LMCD1: variants seen among roughly 807,000 people sequenced by gnomAD.
LMCD1 encodes the protein LIM and cysteine rich domains 1.
Under a neutral mutation model 42.7 loss-of-function variants are expected in LMCD1, and 32 were observed. The ratio of observed to expected loss-of-function variants is 0.75; its 90% CI spans 0.57 to 1.01. LMCD1 has a LOEUF of 1.01. Ranked by LOEUF, LMCD1 falls within the 50% of genes least tolerant of loss-of-function variation. The pLI is 0.00. For missense variants in LMCD1, 458 were observed against 483.1 expected (o/e 0.95, Z 0.49); for synonymous variants, 178 against 184.9 (o/e 0.96, Z 0.30).
chr3:8,558,793 T>C (rs1014471279), intron 4 of LMCD1, among the ~76,000 whole-genome samples: 2 of 152,170 alleles, frequency 1.3e-5, no homozygotes, highest in African/African-American at 2.4e-5. Context: ...ATTGGTGATA[T>C]CAGTTTTGCT....
At chr3:8,529,181 A>G (rs546078400) in intron 1 of LMCD1, among the ~76,000 whole-genome samples, 148 of 152,316 alleles carry the variant, frequency 9.7e-4, no homozygotes, top group Non-Finnish European at 1.7e-3. Context: ...TCCCCTCCTC[A>G]GTAAACAAGA....
chr3:8,533,130 G>C (rs1475507786), intron 2 of LMCD1, among the ~76,000 whole-genome samples: 1 of 152,132 alleles, frequency 6.6e-6, no homozygotes, highest in Non-Finnish European at 1.5e-5. Flanking sequence ...GAGGTTAGCT[G>C]GTCCCTTGTG....
chr3:8,532,650 G>C, intron 1 of LMCD1, 87 bp from the exon 2 acceptor site: 1 of 1,120,698 alleles, frequency 8.9e-7, no homozygotes, highest in African/African-American at 1.5e-5. Flanking sequence ...CAGTCCCTTT[G>C]CCAGCACGCC....
At chr3:8,538,143 T>C (rs1190125645) in intron 3 of LMCD1, among the ~76,000 whole-genome samples, 1 of 152,168 alleles carries the variant, frequency 6.6e-6, no homozygotes, top group Non-Finnish European at 1.5e-5. Context: ...TCATCAGATG[T>C]GACCATTTAA....
chr3:8,543,981 G>T (rs752905563), intron 3 of LMCD1, among the ~76,000 whole-genome samples: 12 of 152,182 alleles, frequency 7.9e-5, no homozygotes, highest in Non-Finnish European at 1.0e-4. Context: ...CTAAGACGGG[G>T]TCAGGACGAA....
At chr3:8,526,145 A>G (rs1408185257) in intron 1 of LMCD1, among the ~76,000 whole-genome samples, 1 of 152,168 alleles carries the variant, frequency 6.6e-6, no homozygotes, top group Non-Finnish European at 1.5e-5. Flanking sequence ...CCCTCCTCAC[A>G]CACCCAGAAC....
At chr3:8,510,188 T>G (rs1380561901) in intron 1 of LMCD1, among the ~76,000 whole-genome samples, 2 of 152,152 alleles carry the variant, frequency 1.3e-5, no homozygotes, top group African/African-American at 4.8e-5. Context: ...TCGAGGTGAC[T>G]GACCCGTGCA....
At chr3:8,562,077 C>T (rs1376297855) in intron 4 of LMCD1, among the ~76,000 whole-genome samples, 2 of 152,164 alleles carry the variant, frequency 1.3e-5, no homozygotes, top group Admixed American at 6.5e-5. Context: ...AAATCTAGAG[C>T]TCTCACAGAG....
At chr3:8,515,237 T>C (rs540875328) in intron 1 of LMCD1, among the ~76,000 whole-genome samples, 1 of 152,174 alleles carries the variant, frequency 6.6e-6, no homozygotes, top group African/African-American at 2.4e-5. Flanking sequence ...TTGTGATGGG[T>C]CCCTTTTCAG....
At chr3:8,565,399 C>T (rs1695110829) in intron 4 of LMCD1, 33 bp from the exon 5 acceptor site, 2 of 1,587,678 alleles carry the variant, frequency 1.3e-6, no homozygotes, top group Middle Eastern at 1.7e-4. Context: ...TCCTGACTTC[C>T]TTGTCTCCTA....
intron 3 of LMCD1, among the ~76,000 whole-genome samples, chr3:8,539,665 T>C (rs1694580166): frequency 6.6e-6 from 1 of 152,048 alleles, no homozygotes; most frequent in African/African-American, 2.4e-5. Flanking sequence ...CGTCAGGCAG[T>C]GATTAATGCT....
chr3:8,552,367 G>A (rs1423225320), intron 4 of LMCD1, among the ~76,000 whole-genome samples: 2 of 152,182 alleles, frequency 1.3e-5, no homozygotes, highest in Non-Finnish European at 2.9e-5. Context: ...TGGCTCAGGA[G>A]ACGTTAGAGT....
chr3:8,535,588 A>G (rs1694494879), intron 2 of LMCD1, among the ~76,000 whole-genome samples: 1 of 152,234 alleles, frequency 6.6e-6, no homozygotes, highest in Non-Finnish European at 1.5e-5. Flanking sequence ...TTCCAAACTC[A>G]TGACCACTAA....
intron 1 of LMCD1, among the ~76,000 whole-genome samples, chr3:8,505,907 GCT>G (rs1159881910): frequency 6.6e-6 from 1 of 152,180 alleles, no homozygotes; most frequent in Non-Finnish European, 1.5e-5. Context: ...ATTGTCGTTG[GCT>G]CTCTCAATCT....
At chr3:8,557,827 G>C (rs73022318) in intron 4 of LMCD1, among the ~76,000 whole-genome samples, 15,761 of 152,242 alleles carry the variant, frequency 0.1, 898 homozygotes, top group African/African-American at 0.14. Flanking sequence ...AGTGAGGACA[G>C]CTTGTCTCTG....
chr3:8,538,242 T>G (rs537689417), intron 3 of LMCD1, among the ~76,000 whole-genome samples: 1 of 152,064 alleles, frequency 6.6e-6, no homozygotes, highest in Non-Finnish European at 1.5e-5. Context: ...CCTGGGGAGC[T>G]CATCAGAATG....
intron 4 of LMCD1, among the ~76,000 whole-genome samples, chr3:8,553,822 A>C (rs1172107221): frequency 6.6e-6 from 1 of 152,194 alleles, no homozygotes; most frequent in Admixed American, 6.5e-5. Context: ...CAAGCCTGAA[A>C]AATCCCAGTG....
At chr3:8,563,858 C>G (rs1346310386) in intron 4 of LMCD1, among the ~76,000 whole-genome samples, 1 of 152,198 alleles carries the variant, frequency 6.6e-6, no homozygotes, top group Admixed American at 6.5e-5. Flanking sequence ...ATAAGAGGAG[C>G]AGTTTGCCCC....
chr3:8,559,795 A>C lies in LMCD1; in HGVS notation c.724-5637A>C, dbSNP rs566952613. Among the ~76,000 whole-genome samples, 4 of 152,376 alleles carry C rather than the reference A, an allele frequency of 2.6e-5. No individual in the cohort carries two copies. In the South Asian group the frequency reaches 8.3e-4, roughly 32 times the overall value. On this transcript the variant is annotated intron_variant, in intron 4 of 5. Coordinates refer to ENST00000157600, the MANE Select transcript of LMCD1 (RefSeq NM_014583.4). ...GGATACAGAAAATGGCTTAGAGGCA[A>C]GAAGAGCACATTTCATCCTGACACA...
Sources: allele counts gnomAD v4.1 joint callset (sites outside exome capture counted in the v4.1 genomes callset), GRCh38; gene constraint gnomAD v4.1.1; transcripts MANE v1.5; gene names NCBI Gene and HGNC (gene_info 2026-07-23, HGNC 2026-07-21).